The following ZFHX3 variants were observed in gnomAD, a reference collection of about 807,000 sequenced individuals.
The protein encoded by ZFHX3 is zinc finger homeobox protein 3.
Under a neutral mutation model 279.1 loss-of-function variants are expected in ZFHX3, and 42 were observed. The ratio of observed to expected loss-of-function variants is 0.15; its 90% CI spans 0.12 to 0.19. The LOEUF (loss-of-function observed/expected upper bound fraction) is 0.19, where lower values mean the gene tolerates loss of function less well. ZFHX3 is among the 10% of genes least tolerant of loss of function. ZFHX3 has a pLI of 1.00. For missense variants in ZFHX3, 4,981 were observed against 4,754.0 expected (o/e 1.05, Z -1.40); for synonymous variants, 2,293 against 1,957.8 (o/e 1.17, Z -4.52).
chr16:73,244,525 C>A (rs1056648901), intron 5 of ZFHX3, among the ~76,000 whole-genome samples: 14 of 152,182 alleles, frequency 9.2e-5, no homozygotes, highest in African/African-American at 3.4e-4. Context: ...GAAAGAGATT[C>A]TTTCCCAGCT....
chr16:72,784,829 C>CTAGT lies in ZFHX3; in HGVS notation c.*2331_*2334dup, dbSNP rs1215966401. The CTAGT allele has an allele frequency of 2.0e-5, 3 of 152,272 alleles. No homozygotes were observed. Among genetic ancestry groups the CTAGT allele is most frequent in the East Asian group, 1.9e-4 (1 of 5,184 alleles). 9.4% of individuals were successfully genotyped at this position (152,272 alleles called of 1,614,324 possible). On this transcript the variant is annotated 3_prime_UTR_variant, in exon 10 of 10. Coordinates refer to ENST00000268489, the MANE Select transcript of ZFHX3 (RefSeq NM_006885.4). ...AAAGGAATTTGCACTGTGCATCAGCCTAGTTAGAAATATGTACAACATTTC... is the reference window on the plus strand; with the variant it reads ...AAAGGAATTTGCACTGTGCATCAGCCTAGTTAGTTAGAAATATGTACAACATTTC...
At chr16:73,887,656 T>TA (rs921185685) in intron 1 of ZFHX3, among the ~76,000 whole-genome samples, 6 of 151,464 alleles carry the variant, frequency 4.0e-5, no homozygotes, top group Admixed American at 2.6e-4. Flanking sequence ...CCAAAAAATT[T>TA]AAAAAAAATA....
At chr16:73,601,299 CAAA>C (rs1217744713) in intron 2 of ZFHX3, among the ~76,000 whole-genome samples, 1 of 60,482 alleles carries the variant, frequency 1.7e-5, no homozygotes. Flanking sequence ...ACTAAAAATA[CAAA>C]AAAAAAAAAA....
chr16:72,871,628 C>A (rs939201091), intron 4 of ZFHX3, among the ~76,000 whole-genome samples: 12 of 152,012 alleles, frequency 7.9e-5, no homozygotes, highest in Non-Finnish European at 1.5e-4. Flanking sequence ...GTGTGAGCCA[C>A]CACACCTGGC....
chr16:73,190,252 G>T (rs1452689620), intron 5 of ZFHX3, among the ~76,000 whole-genome samples: 2 of 152,320 alleles, frequency 1.3e-5, no homozygotes, highest in East Asian at 3.9e-4. Context: ...GTGGCTGTGT[G>T]GGGGAAGAAG....
chr16:73,226,038 T>A (rs1167166448), intron 5 of ZFHX3, among the ~76,000 whole-genome samples: 4 of 152,184 alleles, frequency 2.6e-5, no homozygotes, highest in African/African-American at 9.7e-5. Context: ...GTAATTCTTG[T>A]TCATAAAATA....
At chr16:73,238,077 C>G (rs1401089798) in intron 5 of ZFHX3, among the ~76,000 whole-genome samples, 3 of 152,182 alleles carry the variant, frequency 2.0e-5, no homozygotes, top group Non-Finnish European at 4.4e-5. Context: ...TCTCGCAAGA[C>G]GTCTCCTCTG....
intron 2 of ZFHX3, among the ~76,000 whole-genome samples, chr16:73,589,951 GT>G (rs2051977131): frequency 1.3e-5 from 2 of 152,012 alleles, no homozygotes; most frequent in Non-Finnish European, 2.9e-5. Context: ...TAAAAAACAA[GT>G]TGACAGTACA....
At chr16:73,750,768 T>C (rs993054376) in intron 1 of ZFHX3, among the ~76,000 whole-genome samples, 13 of 152,112 alleles carry the variant, frequency 8.5e-5, no homozygotes, top group Admixed American at 2.0e-4. Flanking sequence ...GTGTCAGCAA[T>C]GAGACCAGAC....
intron 4 of ZFHX3, among the ~76,000 whole-genome samples, chr16:73,286,128 G>A (rs964799236): frequency 2.0e-5 from 3 of 151,926 alleles, no homozygotes; most frequent in East Asian, 1.9e-4. Context: ...TCTTCCCTCC[G>A]CGGCTCCCAT....
intron 1 of ZFHX3, among the ~76,000 whole-genome samples, chr16:73,041,607 C>T (rs1489703146): frequency 1.3e-5 from 2 of 152,160 alleles, no homozygotes; most frequent in East Asian, 3.9e-4. Context: ...TAAGGGGACA[C>T]TATTCAAGAT....
At chr16:73,123,180 G>A (rs1331524842) in intron 7 of ZFHX3, 3 of 147,306 alleles carry the variant, frequency 2.0e-5, no homozygotes, top group Admixed American at 7.1e-5. Flanking sequence ...AGATCTTTCC[G>A]GAAAGGAGTG....
At chr16:72,934,252 C>T (rs1308482588) in intron 3 of ZFHX3, among the ~76,000 whole-genome samples, 1 of 151,936 alleles carries the variant, frequency 6.6e-6, no homozygotes, top group Non-Finnish European at 1.5e-5. Flanking sequence ...TGGTAAAACC[C>T]CGTGTCTGTT....
intron 1 of ZFHX3, among the ~76,000 whole-genome samples, chr16:73,756,861 C>T (rs1321002533): frequency 1.3e-5 from 2 of 151,946 alleles, no homozygotes; most frequent in Non-Finnish European, 2.9e-5. Context: ...ATAATAGTGC[C>T]GTGTATGTTA....
At chr16:72,923,468 A>G in intron 3 of ZFHX3, among the ~76,000 whole-genome samples, 1 of 150,518 alleles carries the variant, frequency 6.6e-6, no homozygotes, top group Non-Finnish European at 1.5e-5. Flanking sequence ...AAAAAAAAAA[A>G]GACGCTATGA....
intron 3 of ZFHX3, among the ~76,000 whole-genome samples, chr16:72,935,268 G>C (rs951565482): frequency 3.3e-5 from 5 of 152,114 alleles, no homozygotes; most frequent in African/African-American, 1.2e-4. Context: ...AATATGTTCT[G>C]CCACCAAAAA....
At chr16:73,353,999 G>A (rs180730995) in intron 3 of ZFHX3, among the ~76,000 whole-genome samples, 52 of 152,134 alleles carry the variant, frequency 3.4e-4, no homozygotes, top group Middle Eastern at 6.8e-3. Context: ...AATCTCACTC[G>A]GAGAGAAGGA....
At chr16:73,591,188 T>C (rs928724531) in intron 2 of ZFHX3, among the ~76,000 whole-genome samples, 1 of 150,824 alleles carries the variant, frequency 6.6e-6, no homozygotes, top group African/African-American at 2.4e-5. Flanking sequence ...CTGTTTCTAC[T>C]AAAAATGCAA....
At chr16:73,613,611 C>T (rs1194726704) in intron 2 of ZFHX3, among the ~76,000 whole-genome samples, 9 of 152,122 alleles carry the variant, frequency 5.9e-5, no homozygotes, top group Admixed American at 5.2e-4. Flanking sequence ...AGAAATTGCC[C>T]TAGCACAGGC....
Sources: gnomAD v4.1 joint callset for allele counts (sites outside exome capture counted in the v4.1 genomes callset) on GRCh38, gnomAD v4.1.1 for gene constraint, MANE v1.5 for transcripts, NCBI Gene and HGNC (gene_info 2026-07-23, HGNC 2026-07-21) for gene names.